Variants in CRHR1 observed in about 807,000 individuals in gnomAD.
The protein encoded by CRHR1 is corticotropin releasing hormone receptor 1, also known as corticotropin-releasing hormone receptor 1.
A neutral mutation model predicts 56.0 loss-of-function variants in CRHR1; 28 were observed. The ratio of observed to expected loss-of-function variants is 0.50; its 90% CI spans 0.37 to 0.69. The LOEUF is 0.69. Ranked by LOEUF, CRHR1 falls within the 30% of genes least tolerant of loss-of-function variation. The probability of loss-of-function intolerance (pLI) is 0.00; values close to 1 mark genes in which losing one functional copy is unlikely to be tolerated. For missense variants in CRHR1, 376 were observed against 548.0 expected (o/e 0.69, Z 3.13); for synonymous variants, 195 against 216.5 (o/e 0.90, Z 0.87).
intron 4 of CRHR1, among the ~76,000 whole-genome samples, chr17:45,828,806 G>A (rs1227317035): frequency 6.6e-6 from 1 of 152,232 alleles, no homozygotes; most frequent in Non-Finnish European, 1.5e-5. Context: ...GGGTGGAGAA[G>A]AGAAATCCCG....
intron 1 of CRHR1, among the ~76,000 whole-genome samples, chr17:45,801,599 G>A (rs903701017): frequency 2.0e-5 from 3 of 152,220 alleles, no homozygotes; most frequent in African/African-American, 4.8e-5. Flanking sequence ...GGCTGTGCAC[G>A]GAAGTGAGGC....
chr17:45,806,665 C>A (rs1489630372), intron 1 of CRHR1, among the ~76,000 whole-genome samples: 11 of 152,120 alleles, frequency 7.2e-5, no homozygotes. Flanking sequence ...ACCGTTGGAC[C>A]ATGTTCAGGA....
At chr17:45,808,350 C>G (rs1481239248) in intron 2 of CRHR1, among the ~76,000 whole-genome samples, 1 of 152,144 alleles carries the variant, frequency 6.6e-6, no homozygotes, top group Non-Finnish European at 1.5e-5. Flanking sequence ...CTAGGGAGAG[C>G]CTGGGGGCAG....
intron 4 of CRHR1, among the ~76,000 whole-genome samples, chr17:45,821,929 T>C (rs903274895): frequency 1.3e-5 from 2 of 152,222 alleles, no homozygotes; most frequent in African/African-American, 4.8e-5. Flanking sequence ...TGAGCAGATA[T>C]TGCTTACACA....
chr17:45,829,706 G>T, intron 5 of CRHR1: 2 of 1,490,448 alleles, frequency 1.3e-6, no homozygotes, highest in East Asian at 2.5e-5. Context: ...GGATGGGGAT[G>T]GTTGGGATCA....
chr17:45,822,463 G>C (rs2143136567), intron 4 of CRHR1, among the ~76,000 whole-genome samples: 1 of 152,334 alleles, frequency 6.6e-6, no homozygotes, highest in African/African-American at 2.4e-5. Flanking sequence ...GGACACCCCA[G>C]GCTGTCCGAG....
At chr17:45,812,933 A>G (rs896420064) in intron 2 of CRHR1, among the ~76,000 whole-genome samples, 1 of 152,098 alleles carries the variant, frequency 6.6e-6, no homozygotes. Flanking sequence ...TGTCCAACAA[A>G]TGATCCCCCT....
chr17:45,788,430 AG>A (rs2061372021), intron 1 of CRHR1, among the ~76,000 whole-genome samples: 1 of 152,178 alleles, frequency 6.6e-6, no homozygotes, highest in African/African-American at 2.4e-5. Flanking sequence ...ACATAGAAAG[AG>A]GGGGGTGCCA....
At position 45,822,919 on chromosome 17, in the gene CRHR1, G is replaced by A. The variant is rs2062074683; in HGVS notation, c.327+1479G>A. 2.0e-5 allele frequency among the ~76,000 whole-genome samples: 3 copies of A among 150,950 alleles called. No individual in the cohort carries two copies. The South Asian group carries it at 6.3e-4, about 32-fold the overall frequency. ...CCAGCACTTTGGGAGGACGAGGCAG[G>A]CAGATCACGAGGTCAGGAGATCGAG... is the stretch of plus-strand genomic sequence containing the variant. On this transcript the variant is annotated intron_variant, in intron 4 of 12. Transcript: ENST00000314537.
intron 2 of CRHR1, among the ~76,000 whole-genome samples, chr17:45,807,774 A>G (rs960618497): frequency 3.3e-5 from 5 of 152,236 alleles, no homozygotes; most frequent in Admixed American, 3.3e-4. Context: ...TACCATTTAC[A>G]GAGTGCTTTT....
intron 1 of CRHR1, among the ~76,000 whole-genome samples, chr17:45,798,003 G>A (rs1365051164): frequency 6.6e-6 from 1 of 152,068 alleles, no homozygotes; most frequent in Non-Finnish European, 1.5e-5. Context: ...GGGCTATGGC[G>A]GGAGCAAGGA....
At chr17:45,830,688 A>C in intron 7 of CRHR1, 118 bp downstream of exon 7, 1 of 1,362,068 alleles carries the variant, frequency 7.3e-7, no homozygotes, top group Non-Finnish European at 1.0e-6. Flanking sequence ...TTGGGGCGGT[A>C]AGGTGTGCAC....
At position 45,830,551 on chromosome 17, in the gene CRHR1, G is replaced by T. The variant is rs779632730; in HGVS notation, c.690G>T (p.Met230Ile). Residue 230 changes from methionine (M) to isoleucine (I), a missense_variant, in exon 7 of 13, where the codon ATG (methionine) becomes ATT (isoleucine). Transcript: ENST00000314537. ...TYSTDRLRKW[M>I]FICIGWGVPF... ...CCACTGACCGGCTGCGCAAATGGATGTTCATCTGCATTGGCTGGGGTGAGC... is the reference window on the plus strand; with the variant it reads ...CCACTGACCGGCTGCGCAAATGGATTTTCATCTGCATTGGCTGGGGTGAGC... 6.2e-7 allele frequency: 1 copy of T among 1,611,806 alleles called. No individual in the cohort carries two copies. Among genetic ancestry groups the T allele is most frequent in the South Asian group, 1.1e-5 (1 of 90,926 alleles).
Position 45,830,121 on chromosome 17 carries a change from C to G in CRHR1, c.462C>G (p.Ile154Met). 1.9e-6 allele frequency: 3 copies of G among 1,614,136 alleles called. No individual in the cohort carries two copies. Among genetic ancestry groups the G allele is most frequent in the Non-Finnish European group, 2.5e-6 (3 of 1,180,014 alleles). The change falls in exon 6 of 13, where the codon ATC (isoleucine) becomes ATG (methionine). Residue 154 changes from isoleucine to methionine, a missense_variant. Coordinates refer to ENST00000314537, the MANE Select transcript of CRHR1 (RefSeq NM_004382.5). ...GCATCCGGTGCCTGCGAAACATCAT[C>G]CACTGGAACCTCATCTCCGCCTTCA... ...LRSIRCLRNIIHWNLISAFIL... is the reference protein window; with the variant it reads ...LRSIRCLRNIMHWNLISAFIL...
At chr17:45,812,274 G>A (rs945397486) in intron 2 of CRHR1, among the ~76,000 whole-genome samples, 1 of 152,190 alleles carries the variant, frequency 6.6e-6, no homozygotes, top group South Asian at 2.1e-4. Context: ...AGAAACAATT[G>A]TACTTGTTAA....
chr17:45,784,407 C>G lies in CRHR1; in HGVS notation c.-138C>G, dbSNP rs1055107701. ...GCCGCGGGGCCGGGAAGCGCCGAGC[C>G]GGGCATCTCCTCACCAGGCAGCGAC... On this transcript the variant is annotated 5_prime_UTR_variant, in exon 1 of 13. Coordinates refer to ENST00000314537, the MANE Select transcript of CRHR1 (RefSeq NM_004382.5). This position sits in a 1 kb window ranked among gnomAD's most constrained non-coding sequence, Gnocchi z 4.2. The G allele has an allele frequency of 1.6e-6, 1 of 617,836 alleles. No individual in the cohort carries two copies. The highest frequency in any genetic ancestry group is 1.9e-5 in the African/African-American group (1 of 51,700). 38.3% of individuals were successfully genotyped at this position (617,836 alleles called of 1,614,324 possible). A position where few individuals can be genotyped will look rare whatever the true frequency, so the allele number is the denominator to read the frequency against.
At chr17:45,830,624 C>G (rs543089732) in intron 7 of CRHR1, 54 bp downstream of exon 7, 104 of 1,557,648 alleles carry the variant, frequency 6.7e-5, no homozygotes, top group Middle Eastern at 1.9e-4. Flanking sequence ...CCGGGCTGCC[C>G]TCTCCTCCAG....
chr17:45,830,903 G>T lies in CRHR1; in HGVS notation c.733G>T (p.Ala245Ser). ...AGGTGTGCCCTTCCCCATCATTGTG[G>T]CCTGGGCCATTGGGAAGCTGTACTA... ...GWGVPFPIIV[A>S]WAIGKLYYDN... Residue 245 changes from alanine to serine, a missense_variant, in exon 8 of 13, where the codon GCC becomes TCC. Physicochemically the swap from Ala to Ser is moderately conservative, Grantham distance 99 (BLOSUM62 1). Coordinates refer to ENST00000314537, the MANE Select transcript of CRHR1 (RefSeq NM_004382.5). 1 of 1,613,956 alleles carries T rather than the reference G, an allele frequency of 6.2e-7. No individual in the cohort carries two copies. The highest frequency in any genetic ancestry group is 8.5e-7 in the Non-Finnish European group (1 of 1,179,946).
intron 2 of CRHR1, among the ~76,000 whole-genome samples, chr17:45,810,298 A>AATG (rs2061798079): frequency 6.6e-6 from 1 of 152,040 alleles, no homozygotes; most frequent in Admixed American, 6.5e-5. Context: ...TAATAATAAT[A>AATG]ATAATAATAG....
Sources: allele counts gnomAD v4.1 joint callset (sites outside exome capture counted in the v4.1 genomes callset), GRCh38; gene constraint gnomAD v4.1.1; non-coding constraint Gnocchi (gnomAD v3.1); transcripts MANE v1.5; gene names NCBI Gene and HGNC (gene_info 2026-07-23, HGNC 2026-07-21).